Variants in PRKD2 observed in about 807,000 individuals in gnomAD.
PRKD2 encodes the protein serine/threonine-protein kinase D2.
PRKD2 carries 22 observed loss-of-function variants against 86.0 expected under a neutral mutation model. The observed-to-expected ratio is 0.26, with a 90% CI of 0.18 to 0.37. PRKD2 has a LOEUF of 0.37. Ranked by LOEUF, PRKD2 falls within the 10% of genes least tolerant of loss-of-function variation. The probability of loss-of-function intolerance (pLI) is 1.00; values close to 1 mark genes in which losing one functional copy is unlikely to be tolerated. For synonymous variants in PRKD2, 509 were observed against 510.9 expected, an observed-to-expected ratio of 1.00 and a Z score of 0.05; for missense variants, 818 against 1,199.2, an observed-to-expected ratio of 0.68 and a Z score of 4.70.
chr19:46,679,340 C>CAA (rs71340607), intron 15 of PRKD2, among the ~76,000 whole-genome samples: 1 of 151,800 alleles, frequency 6.6e-6, no homozygotes, highest in Non-Finnish European at 1.5e-5. Flanking sequence ...AAAAAACAAA[C>CAA]AAAAAAAACA....
rs543781700 is a variant in PRKD2, at chr19:46,678,333, C to T, written c.2338+63G>A. The T allele has an allele frequency of 2.7e-5, 42 of 1,573,848 alleles. No individual in the cohort carries two copies. Among genetic ancestry groups the T allele is most frequent in the Middle Eastern group, 2.2e-4 (1 of 4,578 alleles). On this transcript the variant is annotated intron_variant, in intron 16 of 17. Transcript: ENST00000291281. This position sits in a 1 kb window ranked among gnomAD's most constrained non-coding sequence, Gnocchi z 5.7. The stretch of plus-strand genomic sequence containing the variant: ...CGGGTCCACCCCCCTCTCATGGCTC[C>T]GCCCACTTCTCCAGCCCCACCCCAC...
intron 12 of PRKD2, 78 bp downstream of exon 12, chr19:46,691,657 C>T (rs2053485074): frequency 6.3e-6 from 9 of 1,424,202 alleles, no homozygotes; most frequent in South Asian, 3.4e-5. Context: ...AGGGTTGGAG[C>T]CAGAAAGAAA....
intron 3 of PRKD2, 113 bp from the exon 4 acceptor site, chr19:46,704,762 C>A: frequency 7.4e-7 from 1 of 1,346,136 alleles, no homozygotes; most frequent in Non-Finnish European, 1.0e-6. Flanking sequence ...CCATCACCCC[C>A]CGCCAGCACG....
At chr19:46,676,567 G>A (rs2053206674) in intron 16 of PRKD2, among the ~76,000 whole-genome samples, 2 of 152,176 alleles carry the variant, frequency 1.3e-5, no homozygotes. Flanking sequence ...ACTCATCCGA[G>A]GCTCTCTCCT....
chr19:46,680,948 T>TATATATATTTATATATATATATATATATA (rs55813443), intron 15 of PRKD2, among the ~76,000 whole-genome samples: 1 of 26,550 alleles, frequency 3.8e-5, no homozygotes, highest in African/African-American at 9.4e-5. Flanking sequence ...ATATATATAT[T>TATATATATTTATATATATATATATATATA]TTTTTTTTTT....
At chr19:46,683,670 A>G (rs766564734) in intron 14 of PRKD2, among the ~76,000 whole-genome samples, 9 of 152,092 alleles carry the variant, frequency 5.9e-5, no homozygotes, top group Non-Finnish European at 1.0e-4. Flanking sequence ...GTGAGTCGAC[A>G]TCGCGCCATT....
chr19:46,712,127 C>A (rs970151173), intron 2 of PRKD2, among the ~76,000 whole-genome samples: 3 of 150,656 alleles, frequency 2.0e-5, no homozygotes, highest in African/African-American at 7.3e-5. Flanking sequence ...GCCTATAGTC[C>A]AGCCACCTCA....
intron 12 of PRKD2, among the ~76,000 whole-genome samples, chr19:46,691,506 C>A (rs1007481690): frequency 9.2e-5 from 14 of 152,104 alleles, no homozygotes; most frequent in Admixed American, 4.6e-4. Context: ...ATCAGAGTGC[C>A]GAATTTACCC....
At chr19:46,681,623 C>A in intron 15 of PRKD2, 27 bp downstream of exon 15, 2 of 923,302 alleles carry the variant, frequency 2.2e-6, no homozygotes, top group Non-Finnish European at 3.3e-6. Context: ...CCTGGATTTC[C>A]CCAAATCAGG....
intron 13 of PRKD2, 102 bp downstream of exon 13, chr19:46,690,498 T>A (rs1349416727): frequency 3.0e-6 from 3 of 987,890 alleles, no homozygotes; most frequent in Non-Finnish European, 4.8e-6. Context: ...AGTCTCAACA[T>A]GCACATGCCC....
Position 46,697,868 on chromosome 19 carries a change from G to A in PRKD2, c.1122-18C>T, listed in dbSNP as rs372417363. On this transcript the variant is annotated intron_variant, in intron 7 of 17. Transcript: ENST00000291281. ...CCAGGGAGCTGCGAAGGAAGAGGAA[G>A]GGGTGAGAAGTCACATGCAGAAAGT... is the stretch of plus-strand genomic sequence containing the variant. The A allele has an allele frequency of 1.9e-5, 31 of 1,590,078 alleles. No homozygotes were observed. Among genetic ancestry groups the A allele is most frequent in the South Asian group, 1.1e-5 (1 of 90,550 alleles).
Position 46,691,689 on chromosome 19 carries a change from C to T in PRKD2, c.1702+46G>A, listed in dbSNP as rs759500432. The T allele has an allele frequency of 1.3e-5, 20 of 1,581,120 alleles. No homozygotes were observed. The South Asian group carries it at 2.0e-4, about 16-fold the overall frequency. ...GAAAGGGCTGGAGCCACAGCAGCTTCCCCCAGCCCGGGGCTCCCTCTGGGT... is the reference window on the plus strand; with the variant it reads ...GAAAGGGCTGGAGCCACAGCAGCTTTCCCCAGCCCGGGGCTCCCTCTGGGT... On this transcript the variant is annotated intron_variant, in intron 12 of 17. Transcript: ENST00000291281.
At chr19:46,696,896 T>C (rs1293277674) in intron 9 of PRKD2, among the ~76,000 whole-genome samples, 1 of 152,184 alleles carries the variant, frequency 6.6e-6, no homozygotes, top group Non-Finnish European at 1.5e-5. Flanking sequence ...AGGTGAGTAT[T>C]AGCATTTGAG....
intron 7 of PRKD2, 105 bp from the exon 8 acceptor site, chr19:46,697,955 T>C (rs750049457): frequency 6.8e-5 from 62 of 910,582 alleles, no homozygotes; most frequent in Non-Finnish European, 1.1e-4. Flanking sequence ...GGGACTGTTT[T>C]TGTTTGTTTG....
chr19:46,699,022 G>A (rs2053601001), intron 7 of PRKD2, among the ~76,000 whole-genome samples: 1 of 152,116 alleles, frequency 6.6e-6, no homozygotes, highest in East Asian at 1.9e-4. Flanking sequence ...GGGTTGGGAG[G>A]CACCGCAGGA....
intron 15 of PRKD2, among the ~76,000 whole-genome samples, chr19:46,680,311 C>T (rs764791407): frequency 4.0e-5 from 6 of 151,726 alleles, no homozygotes; most frequent in Admixed American, 6.6e-5. Flanking sequence ...TTTTTTGAGA[C>T]GAGTCTTGGT....
At position 46,690,785 on chromosome 19, in the gene PRKD2, A is replaced by G. The variant is rs2053472707; in HGVS notation, c.1703-79T>C. ...GGCAGGAGTATCTCCACCTCTGCCA[A>G]CCTCTGCCCCCCACCATGGAGACAG... On this transcript the variant is annotated intron_variant, in intron 12 of 17. Coordinates refer to ENST00000291281, the MANE Select transcript of PRKD2 (RefSeq NM_016457.5). 9.4e-6 allele frequency: 12 copies of G among 1,282,966 alleles called. No homozygotes were observed. In the South Asian group the frequency reaches 1.2e-4, roughly 13 times the overall value. 79.5% of individuals were successfully genotyped at this position (1,282,966 alleles called of 1,614,324 possible).
chr19:46,714,447 AAGG>A (rs1320811109), intron 1 of PRKD2: 5 of 135,718 alleles, frequency 3.7e-5, no homozygotes, highest in African/African-American at 5.4e-5. Context: ...GGCGAGCTGG[AAGG>A]AGGACTTTTC....
intron 15 of PRKD2, 56 bp downstream of exon 15, chr19:46,681,594 A>AC: frequency 3.4e-6 from 1 of 291,034 alleles, no homozygotes; most frequent in Admixed American, 4.0e-5. Flanking sequence ...CCCCACCCCC[A>AC]CCCCGGCCAT....
Sources: allele counts gnomAD v4.1 joint callset (sites outside exome capture counted in the v4.1 genomes callset), GRCh38; gene constraint gnomAD v4.1.1; non-coding constraint Gnocchi (gnomAD v3.1); transcripts MANE v1.5; gene names NCBI Gene and HGNC (gene_info 2026-07-23, HGNC 2026-07-21).